SEPTIN2: variants seen among roughly 807,000 people sequenced by gnomAD.
The protein encoded by SEPTIN2 is septin 2, also known as septin-2.
Under a neutral mutation model 46.5 loss-of-function variants are expected in SEPTIN2, and 34 were observed. The observed-to-expected ratio is 0.73, with a 90% CI of 0.56 to 0.97. The LOEUF (loss-of-function observed/expected upper bound fraction) is 0.97. SEPTIN2 is among the 50% of genes least tolerant of loss of function. The probability of loss-of-function intolerance (pLI) is 0.00; values close to 1 mark genes in which losing one functional copy is unlikely to be tolerated. For missense variants in SEPTIN2, 347 were observed against 448.4 expected (o/e 0.77, Z 2.04); for synonymous variants, 175 against 153.4 (o/e 1.14, Z -1.04).
intron 10 of SEPTIN2, 141 bp downstream of exon 10, chr2:241,346,390 GTTAAT>G: frequency 1.8e-6 from 1 of 544,552 alleles, no homozygotes; most frequent in Non-Finnish European, 3.3e-6. Context: ...TAAAAGAGTT[GTTAAT>G]TTAATCAAAT....
intron 1 of SEPTIN2, chr2:241,316,779 C>G: frequency 2.5e-6 from 1 of 401,548 alleles, no homozygotes; most frequent in Non-Finnish European, 4.5e-6. Context: ...ACCAACTACA[C>G]TGAACTTCTT....
chr2:241,333,361 A>C (rs2079338539), intron 3 of SEPTIN2, among the ~76,000 whole-genome samples: 1 of 152,254 alleles, frequency 6.6e-6, no homozygotes, highest in South Asian at 2.1e-4. Flanking sequence ...GTTTATTAAA[A>C]GGATGACTTA....
Position 241,326,011 on chromosome 2 carries a change from A to T in SEPTIN2, c.28A>T (p.Ile10Leu). 1 of 1,613,242 alleles carries T rather than the reference A, an allele frequency of 6.2e-7. No homozygotes were observed. The highest frequency in any genetic ancestry group is 8.5e-7 in the Non-Finnish European group (1 of 1,179,634). MSKQQPTQF[I>L]NPETPGYVGF... ...TATTTAGCAACAGCCAACTCAGTTT[A>T]TAAATCCAGAAACACCTGGCTATGT... The change falls in exon 3 of 13, where the codon ATA becomes TTA. Residue 10 changes from isoleucine to leucine, a missense_variant. Physicochemically the swap from Ile to Leu is conservative, Grantham distance 5. Coordinates refer to ENST00000391971, the MANE Select transcript of SEPTIN2 (RefSeq NM_004404.5).
chr2:241,338,217 G>A (rs750091533), intron 7 of SEPTIN2, among the ~76,000 whole-genome samples: 23 of 152,096 alleles, frequency 1.5e-4, no homozygotes, highest in Non-Finnish European at 2.9e-4. Flanking sequence ...GTCAGCCAGC[G>A]AAGCGCCTCT....
intron 2 of SEPTIN2, 141 bp downstream of exon 2, chr2:241,324,382 A>T: frequency 1.6e-5 from 10 of 609,222 alleles, no homozygotes; most frequent in Admixed American, 3.6e-5. Flanking sequence ...GTTCTAATTT[A>T]GTTGTCTTTT....
At chr2:241,346,616 C>A in intron 10 of SEPTIN2, 1 of 155,596 alleles carries the variant, frequency 6.4e-6, no homozygotes, top group Non-Finnish European at 1.4e-5. Flanking sequence ...TTAATTTAGC[C>A]GGGCATGGTG....
intron 7 of SEPTIN2, among the ~76,000 whole-genome samples, chr2:241,338,857 TAAA>T (rs1203749096): frequency 7.3e-5 from 7 of 95,718 alleles, no homozygotes; most frequent in South Asian, 2.5e-4. Context: ...ATAATATATA[TAAA>T]AATATATATA....
At chr2:241,321,120 T>C (rs989631581) in intron 1 of SEPTIN2, among the ~76,000 whole-genome samples, 2 of 152,206 alleles carry the variant, frequency 1.3e-5, no homozygotes, top group Non-Finnish European at 2.9e-5. Flanking sequence ...ACTTCAAACA[T>C]TTTTTAAGGT....
chr2:241,330,300 G>GCGA (rs2078786784), intron 3 of SEPTIN2, among the ~76,000 whole-genome samples: 1 of 152,124 alleles, frequency 6.6e-6, no homozygotes, highest in Non-Finnish European at 1.5e-5. Flanking sequence ...ACCTTCATCA[G>GCGA]CGACACAATG....
intron 3 of SEPTIN2, among the ~76,000 whole-genome samples, chr2:241,329,021 TCA>T (rs376935315): frequency 6.6e-6 from 1 of 151,350 alleles, no homozygotes; most frequent in Non-Finnish European, 1.5e-5. Flanking sequence ...ACTCCATCTC[TCA>T]CACACAAAAA....
chr2:241,325,228 A>T (rs1258991231), intron 2 of SEPTIN2: 1 of 152,124 alleles, frequency 6.6e-6, no homozygotes, highest in Admixed American at 6.6e-5. Context: ...TCAATTAATA[A>T]ATTGATTTTT....
intron 1 of SEPTIN2, chr2:241,316,226 G>C: frequency 2.8e-6 from 1 of 353,650 alleles, no homozygotes; most frequent in East Asian, 4.3e-5. Context: ...GGGCGCGGGA[G>C]TGGGGATTCC....
intron 7 of SEPTIN2, among the ~76,000 whole-genome samples, chr2:241,338,940 A>T (rs1304149588): frequency 1.0e-5 from 1 of 97,212 alleles, no homozygotes; most frequent in South Asian, 2.6e-4. Flanking sequence ...TATTTATTAT[A>T]TATATTATAT....
chr2:241,336,095 A>T lies in SEPTIN2; in HGVS notation c.338A>T (p.Asp113Val), dbSNP rs768355434. ...PGYGDAINCR[D>V]CFKTIISYID... ...TATGGTGACGCTATCAACTGCAGAG[A>T]TTGGTATGCTCCCCCATGCCCAGGG... is the stretch of plus-strand genomic sequence containing the variant. The change falls in exon 5 of 13, where the codon GAT becomes GTT. Residue 113 changes from aspartate (D) to valine (V), a missense_variant. Coordinates refer to ENST00000391971, the MANE Select transcript of SEPTIN2 (RefSeq NM_004404.5). 6.2e-7 allele frequency: 1 copy of T among 1,613,912 alleles called. No individual in the cohort carries two copies. Among genetic ancestry groups the T allele is most frequent in the Non-Finnish European group, 8.5e-7 (1 of 1,179,856 alleles).
intron 7 of SEPTIN2, among the ~76,000 whole-genome samples, chr2:241,338,883 A>G (rs1412009058): frequency 1.1e-5 from 1 of 89,154 alleles, no homozygotes; most frequent in African/African-American, 5.1e-5. Flanking sequence ...TAATATATCT[A>G]TAATATATAT....
chr2:241,328,720 C>A (rs997011133), intron 3 of SEPTIN2, among the ~76,000 whole-genome samples: 8 of 151,112 alleles, frequency 5.3e-5, no homozygotes, highest in Middle Eastern at 3.5e-3. Flanking sequence ...CCAGCCGGGG[C>A]AACAAGAGAG....
chr2:241,338,584 T>TA (rs1265157575), intron 7 of SEPTIN2, among the ~76,000 whole-genome samples: 1 of 134,340 alleles, frequency 7.4e-6, no homozygotes, highest in Non-Finnish European at 1.5e-5. Flanking sequence ...ACGCTGTCTC[T>TA]AAAAAAATAT....
chr2:241,337,093 CAA>C (rs201513274), intron 5 of SEPTIN2: 125 of 244,192 alleles, frequency 5.1e-4, no homozygotes, highest in Middle Eastern at 1.3e-3. Flanking sequence ...GACTCAGTCT[CAA>C]AAAAAAAAAG....
At chr2:241,325,075 C>CA (rs35304949) in intron 2 of SEPTIN2, 37,777 of 145,122 alleles carry the variant, frequency 0.26, 5,246 homozygotes, top group Middle Eastern at 0.36. Flanking sequence ...CACAGATAAG[C>CA]AAAAAAAAAA....
Sources: gnomAD v4.1 joint callset for allele counts (sites outside exome capture counted in the v4.1 genomes callset) on GRCh38, gnomAD v4.1.1 for gene constraint, MANE v1.5 for transcripts, NCBI Gene and HGNC (gene_info 2026-07-23, HGNC 2026-07-21) for gene names.